Variants in NRXN3 observed in about 807,000 individuals in gnomAD.
NRXN3 encodes neurexin 3.
In NRXN3, 32 loss-of-function variants were observed where a neutral mutation model predicts 137.6. The observed-to-expected ratio is 0.23, with a 90% CI of 0.18 to 0.31. The LOEUF is 0.31. NRXN3 is among the 10% of genes least tolerant of loss of function. NRXN3 has a pLI of 1.00. For missense variants in NRXN3, 1,574 were observed against 2,062.5 expected, an observed-to-expected ratio of 0.76 and a Z score of 4.59; for synonymous variants, 798 against 784.5, an observed-to-expected ratio of 1.02 and a Z score of -0.29.
intron 10 of NRXN3, among the ~76,000 whole-genome samples, chr14:78,823,139 A>G (rs2098956009): frequency 6.6e-6 from 1 of 152,238 alleles, no homozygotes; most frequent in Non-Finnish European, 1.5e-5. Flanking sequence ...AGAGACAACT[A>G]AGAAGAGGAT....
At chr14:79,553,552 C>G (rs558782309) in intron 16 of NRXN3, among the ~76,000 whole-genome samples, 1 of 152,246 alleles carries the variant, frequency 6.6e-6, no homozygotes, top group South Asian at 2.1e-4. Flanking sequence ...ACTACATGCA[C>G]GCACTCATTT....
At chr14:78,845,246 A>G (rs1280019445) in intron 10 of NRXN3, among the ~76,000 whole-genome samples, 2 of 152,136 alleles carry the variant, frequency 1.3e-5, no homozygotes, top group African/African-American at 4.8e-5. Flanking sequence ...TATGACTTCA[A>G]ATATGATAGC....
chr14:78,539,959 G>A (rs532340885), intron 4 of NRXN3, among the ~76,000 whole-genome samples: 2 of 152,200 alleles, frequency 1.3e-5, no homozygotes, highest in Admixed American at 6.5e-5. Flanking sequence ...TGATTGCACT[G>A]TGGTCTCAGA....
intron 8 of NRXN3, among the ~76,000 whole-genome samples, chr14:78,728,622 G>A (rs577201856): frequency 8.1e-4 from 123 of 152,320 alleles, no homozygotes; most frequent in African/African-American, 2.8e-3. Flanking sequence ...GTGGGGAGGT[G>A]CACAGTGGCT....
intron 4 of NRXN3, among the ~76,000 whole-genome samples, chr14:78,473,893 A>C (rs574324631): frequency 1.1e-3 from 161 of 152,316 alleles, no homozygotes; most frequent in African/African-American, 3.4e-3. Flanking sequence ...ATGCTCCCCT[A>C]TTACAAGGGA....
At chr14:78,890,249 A>C (rs766641730) in intron 10 of NRXN3, among the ~76,000 whole-genome samples, 31 of 152,012 alleles carry the variant, frequency 2.0e-4, no homozygotes, top group Non-Finnish European at 3.8e-4. Context: ...TGAATTATAC[A>C]AGAGCATCAG....
intron 15 of NRXN3, among the ~76,000 whole-genome samples, chr14:79,422,794 G>C (rs887424048): frequency 5.3e-5 from 8 of 150,086 alleles, no homozygotes; most frequent in African/African-American, 1.5e-4. Context: ...CCGCCTCCCA[G>C]GTTCAAGCAA....
At chr14:79,243,999 A>T (rs1472336839) in intron 15 of NRXN3, among the ~76,000 whole-genome samples, 2 of 152,086 alleles carry the variant, frequency 1.3e-5, no homozygotes, top group African/African-American at 4.8e-5. Flanking sequence ...TCACCAAACA[A>T]AGCTACTTGT....
In NRXN3 at chr14:78,952,522, C is replaced by T. The variant is rs372614468; in HGVS notation, c.2276-4720C>T. 3.9e-5 allele frequency among the ~76,000 whole-genome samples: 6 copies of T among 152,258 alleles called. No individual in the cohort carries two copies. In the South Asian group the frequency reaches 1.2e-3, roughly 32 times the overall value. Reference sequence around the variant, plus strand: ...GTGATGCTATGGGCTTAGTGAAATGCTTGTCACAGCTCAGCTAGCCTAGCC... The same window carrying T: ...GTGATGCTATGGGCTTAGTGAAATGTTTGTCACAGCTCAGCTAGCCTAGCC... On this transcript the variant is annotated intron_variant, in intron 10 of 20. Coordinates refer to ENST00000335750, the MANE Select transcript of NRXN3 (RefSeq NM_001330195.2).
chr14:79,043,081 T>C (rs956341254), intron 15 of NRXN3, among the ~76,000 whole-genome samples: 8 of 152,160 alleles, frequency 5.3e-5, no homozygotes, highest in African/African-American at 1.9e-4. Context: ...AATAATCCTG[T>C]GTTAAATCAA....
At chr14:79,473,143 G>A (rs941811593) in intron 16 of NRXN3, among the ~76,000 whole-genome samples, 2 of 151,834 alleles carry the variant, frequency 1.3e-5, no homozygotes, top group Non-Finnish European at 2.9e-5. Context: ...TTACATACAC[G>A]AGGATGAGGG....
chr14:78,907,561 T>C (rs1186663179), intron 10 of NRXN3, among the ~76,000 whole-genome samples: 2 of 152,064 alleles, frequency 1.3e-5, no homozygotes, highest in African/African-American at 4.8e-5. Context: ...CAGACTGCTT[T>C]CCAGTTAGTA....
intron 15 of NRXN3, among the ~76,000 whole-genome samples, chr14:79,211,156 T>C (rs1186960593): frequency 6.6e-6 from 1 of 152,182 alleles, no homozygotes; most frequent in Admixed American, 6.5e-5. Flanking sequence ...CACTACCTGC[T>C]ATTATTGACT....
At chr14:79,187,654 C>G (rs1446269982) in intron 15 of NRXN3, among the ~76,000 whole-genome samples, 3 of 19,372 alleles carry the variant, frequency 1.5e-4, no homozygotes, top group African/African-American at 6.2e-4. Context: ...GAGCGAGACT[C>G]CGTCTCAAAA....
chr14:79,749,659 C>G lies in NRXN3; in HGVS notation c.4014+51722C>G, dbSNP rs558290169. Among the ~76,000 whole-genome samples the G allele has an allele frequency of 1.2e-3, 179 of 152,194 alleles. 1 individual carries two copies. Among genetic ancestry groups the G allele is most frequent in the Non-Finnish European group, 2.2e-3 (148 of 68,002 alleles). ...CTTCCAATCTCTTTGCCTGTTGCCT[C>G]ACATTGGATGTCACCAATCTGGGAA... On this transcript the variant is annotated intron_variant, in intron 19 of 20. Coordinates refer to ENST00000335750, the MANE Select transcript of NRXN3 (RefSeq NM_001330195.2).
intron 15 of NRXN3, among the ~76,000 whole-genome samples, chr14:79,160,783 T>G (rs768867401): frequency 2.0e-5 from 3 of 151,914 alleles, no homozygotes; most frequent in Non-Finnish European, 4.4e-5. Flanking sequence ...AGCTGACAGA[T>G]GGCACATGGT....
intron 4 of NRXN3, among the ~76,000 whole-genome samples, chr14:78,467,627 T>A (rs1184152026): frequency 6.6e-6 from 1 of 152,242 alleles, no homozygotes; most frequent in African/African-American, 2.4e-5. Context: ...TTGCTTAGCA[T>A]GAACACATCT....
chr14:79,773,014 A>G (rs1039414676), intron 19 of NRXN3, among the ~76,000 whole-genome samples: 3 of 152,156 alleles, frequency 2.0e-5, no homozygotes, highest in African/African-American at 4.8e-5. Flanking sequence ...GCAGCCAAAA[A>G]ACACATGAAA....
At chr14:78,740,186 G>C (rs181904348) in intron 8 of NRXN3, among the ~76,000 whole-genome samples, 1 of 152,154 alleles carries the variant, frequency 6.6e-6, no homozygotes, top group Non-Finnish European at 1.5e-5. Context: ...TCTAGTTTTA[G>C]AAGTTTTTCT....
Sources: gnomAD v4.1 joint callset for allele counts (sites outside exome capture counted in the v4.1 genomes callset) on GRCh38, gnomAD v4.1.1 for gene constraint, MANE v1.5 for transcripts, NCBI Gene and HGNC (gene_info 2026-07-23, HGNC 2026-07-21) for gene names.